Variants in ZFPM2 observed in about 807,000 individuals in gnomAD.
ZFPM2 encodes zinc finger protein, FOG family member 2.
A neutral mutation model predicts 98.6 loss-of-function variants in ZFPM2; 20 were observed. The observed-to-expected ratio is 0.20, with a 90% CI of 0.14 to 0.29. The LOEUF (loss-of-function observed/expected upper bound fraction) is 0.29, where lower values mean the gene tolerates loss of function less well. Ranked by LOEUF, ZFPM2 falls within the 10% of genes least tolerant of loss-of-function variation. The pLI is 1.00. For missense variants in ZFPM2, 1,310 were observed against 1,388.6 expected, an observed-to-expected ratio of 0.94 and a Z score of 0.90; for synonymous variants, 518 against 502.7, an observed-to-expected ratio of 1.03 and a Z score of -0.41.
intron 5 of ZFPM2, among the ~76,000 whole-genome samples, chr8:105,727,446 C>T (rs1411988737): frequency 1.3e-5 from 2 of 151,734 alleles, no homozygotes; most frequent in South Asian, 2.1e-4. Context: ...TAATTAATTG[C>T]TGATTTATGA....
At chr8:105,701,976 T>C (rs1037160332) in intron 5 of ZFPM2, among the ~76,000 whole-genome samples, 8 of 152,196 alleles carry the variant, frequency 5.3e-5, no homozygotes, top group African/African-American at 1.9e-4. Context: ...ATCAGCAGTG[T>C]TGGATTAAAT....
intron 1 of ZFPM2, among the ~76,000 whole-genome samples, chr8:105,405,979 G>C (rs1811449012): frequency 1.3e-5 from 2 of 152,148 alleles, no homozygotes; most frequent in Admixed American, 1.3e-4. Context: ...ATTCTGACTG[G>C]TGTGAGATGG....
intron 5 of ZFPM2, among the ~76,000 whole-genome samples, chr8:105,677,482 C>G (rs1810498607): frequency 6.6e-6 from 1 of 152,026 alleles, no homozygotes; most frequent in African/African-American, 2.4e-5. Context: ...AATGATATTG[C>G]TAAAATTAAA....
chr8:105,607,521 C>G (rs961203833), intron 4 of ZFPM2, among the ~76,000 whole-genome samples: 1 of 152,036 alleles, frequency 6.6e-6, no homozygotes, highest in African/African-American at 2.4e-5. Context: ...GAGGAAGTGA[C>G]CTTTGAGAAC....
intron 3 of ZFPM2, among the ~76,000 whole-genome samples, chr8:105,509,676 A>G (rs1813775780): frequency 6.6e-6 from 1 of 152,110 alleles, no homozygotes; most frequent in Non-Finnish European, 1.5e-5. Context: ...TAATGAAGCC[A>G]TTTTTGATGG....
rs144998305 is a variant in ZFPM2, at chr8:105,775,663, G to A, written c.533-13055G>A. 2.0e-5 allele frequency among the ~76,000 whole-genome samples: 3 copies of A among 152,164 alleles called. No individual in the cohort carries two copies. In the East Asian group the frequency reaches 5.8e-4, roughly 29 times the overall value. On this transcript the variant is annotated intron_variant, in intron 5 of 7. Transcript: ENST00000407775. ...GCTGCAAGCGAAATTTTGACAGCTC[G>A]CCTTTGGGGTGTATGTCACCTCTTG...
chr8:105,756,908 G>A (rs1176645899), intron 5 of ZFPM2, among the ~76,000 whole-genome samples: 1 of 152,160 alleles, frequency 6.6e-6, no homozygotes, highest in Non-Finnish European at 1.5e-5. Flanking sequence ...GATACCTGGG[G>A]CAGCGCGGGC....
At chr8:105,438,702 G>A (rs776379413) in intron 2 of ZFPM2, among the ~76,000 whole-genome samples, 1 of 152,058 alleles carries the variant, frequency 6.6e-6, no homozygotes, top group African/African-American at 2.4e-5. Context: ...AGTCTGATAC[G>A]GTATGTTCAT....
chr8:105,340,432 A>G (rs1812405964), intron 1 of ZFPM2, among the ~76,000 whole-genome samples: 1 of 151,978 alleles, frequency 6.6e-6, no homozygotes. Context: ...CATGCTGGTA[A>G]GAAACTCTGG....
intron 1 of ZFPM2, among the ~76,000 whole-genome samples, chr8:105,320,337 C>T (rs534654972): frequency 1.4e-5 from 2 of 148,142 alleles, no homozygotes; most frequent in African/African-American, 4.9e-5. Context: ...TTTATTTCTT[C>T]GATTCCTTCT....
intron 3 of ZFPM2, among the ~76,000 whole-genome samples, chr8:105,489,466 A>ATATATATATATATATTTTT (rs1554610604): frequency 1.7e-5 from 2 of 119,810 alleles, no homozygotes; most frequent in African/African-American, 7.2e-5. Context: ...ATATATATAT[A>ATATATATATATATATTTTT]TTTTTTTTTT....
At chr8:105,590,556 A>G (rs1815818898) in intron 4 of ZFPM2, among the ~76,000 whole-genome samples, 1 of 152,244 alleles carries the variant, frequency 6.6e-6, no homozygotes, top group Admixed American at 6.5e-5. Context: ...ATAGGCATAG[A>G]TAAAGGTGTT....
At chr8:105,628,335 A>T (rs932460441) in intron 4 of ZFPM2, among the ~76,000 whole-genome samples, 4 of 152,222 alleles carry the variant, frequency 2.6e-5, no homozygotes, top group Admixed American at 1.3e-4. Context: ...GAATTATTAC[A>T]GTCACCATTG....
intron 1 of ZFPM2, among the ~76,000 whole-genome samples, chr8:105,398,957 C>A (rs754736343): frequency 2.0e-5 from 3 of 152,090 alleles, no homozygotes; most frequent in Non-Finnish European, 4.4e-5. Flanking sequence ...GTTCTCAAAC[C>A]TGAAGGATGA....
intron 5 of ZFPM2, among the ~76,000 whole-genome samples, chr8:105,649,027 A>ATT (rs1406828793): frequency 6.6e-6 from 1 of 152,042 alleles, no homozygotes; most frequent in Admixed American, 6.5e-5. Flanking sequence ...ATGTTCTTCC[A>ATT]TTTGTTTGTG....
chr8:105,405,565 T>A (rs913406629), intron 1 of ZFPM2, among the ~76,000 whole-genome samples: 18 of 152,018 alleles, frequency 1.2e-4, no homozygotes, highest in African/African-American at 4.3e-4. Flanking sequence ...TTGCTGAGAA[T>A]GATGGTTTCC....
intron 4 of ZFPM2, among the ~76,000 whole-genome samples, chr8:105,610,936 C>G (rs1157221419): frequency 6.6e-6 from 1 of 152,150 alleles, no homozygotes; most frequent in African/African-American, 2.4e-5. Context: ...GTAGAGCTAC[C>G]AGAGTTCAGC....
At chr8:105,667,587 G>T (rs1471519993) in intron 5 of ZFPM2, among the ~76,000 whole-genome samples, 2 of 152,068 alleles carry the variant, frequency 1.3e-5, no homozygotes, top group African/African-American at 4.8e-5. Flanking sequence ...TATCTGAAGG[G>T]CTATTAAAGT....
intron 3 of ZFPM2, among the ~76,000 whole-genome samples, chr8:105,533,063 G>T (rs10111677): frequency 3.9e-5 from 6 of 151,982 alleles, no homozygotes; most frequent in Non-Finnish European, 7.4e-5. Context: ...CAAGTGTAAG[G>T]GTAATAAATG....
Sources: allele counts gnomAD v4.1 joint callset (sites outside exome capture counted in the v4.1 genomes callset), GRCh38; gene constraint gnomAD v4.1.1; transcripts MANE v1.5; gene names NCBI Gene and HGNC (gene_info 2026-07-23, HGNC 2026-07-21).